The following AXIN2 variants were observed in gnomAD, a reference collection of about 807,000 sequenced individuals.
AXIN2 encodes axin 2.
In AXIN2, 21 loss-of-function variants were observed where a neutral mutation model predicts 74.7. The ratio of observed to expected loss-of-function variants is 0.28; its 90% CI spans 0.20 to 0.40. The LOEUF (loss-of-function observed/expected upper bound fraction) is 0.40. Ranked by LOEUF, AXIN2 falls within the 10% of genes least tolerant of loss-of-function variation. The pLI is 1.00. For missense variants in AXIN2, 1,144 were observed against 1,111.1 expected (o/e 1.03, Z -0.42); for synonymous variants, 532 against 454.9 (o/e 1.17, Z -2.16).
chr17:65,537,145 C>CG (rs1008558871), intron 6 of AXIN2, 82 bp from the exon 7 acceptor site: 51 of 1,561,886 alleles, frequency 3.3e-5, no homozygotes, highest in Non-Finnish European at 4.1e-5. Context: ...TTCAGCAAGT[C>CG]GGGGGGCTGG....
intron 2 of AXIN2, among the ~76,000 whole-genome samples, chr17:65,552,600 A>G (rs1204742909): frequency 6.6e-6 from 1 of 152,194 alleles, no homozygotes; most frequent in Non-Finnish European, 1.5e-5. Context: ...AGAGGTGGGC[A>G]CCCACCTGAA....
intron 10 of AXIN2, 80 bp downstream of exon 10, chr17:65,533,819 CTAGGTCTGCTCAG>C: frequency 9.4e-6 from 12 of 1,276,846 alleles, no homozygotes; most frequent in Admixed American, 4.0e-5. Flanking sequence ...CCTGCCCCAC[CTAGGTCTGCTCAG>C]CCAGGGGAGC....
chr17:65,554,263 C>G (rs1009883402), intron 2 of AXIN2, among the ~76,000 whole-genome samples: 1 of 152,210 alleles, frequency 6.6e-6, no homozygotes, highest in African/African-American at 2.4e-5. Flanking sequence ...TCCTCCTCCT[C>G]CTCCTCACGT....
At chr17:65,555,297 C>T (rs1418176099) in intron 2 of AXIN2, among the ~76,000 whole-genome samples, 3 of 152,116 alleles carry the variant, frequency 2.0e-5, no homozygotes, top group Non-Finnish European at 4.4e-5. Context: ...TAAGCCCATC[C>T]CAGATGCCAG....
intron 3 of AXIN2, 65 bp from the exon 4 acceptor site, chr17:65,541,622 T>TG: frequency 7.6e-7 from 1 of 1,320,822 alleles, no homozygotes; most frequent in Non-Finnish European, 1.1e-6. Context: ...TCACATGGGC[T>TG]ACTGTCATAT....
chr17:65,532,421 A>AAGC (rs1009157323), intron 10 of AXIN2, among the ~76,000 whole-genome samples: 3 of 152,184 alleles, frequency 2.0e-5, no homozygotes, highest in African/African-American at 2.4e-5. Flanking sequence ...TTCAAGATAA[A>AAGC]AGCAGCAGCA....
chr17:65,536,203 T>A (rs2043910954), intron 8 of AXIN2, 117 bp downstream of exon 8: 2 of 1,049,986 alleles, frequency 1.9e-6, no homozygotes, highest in Non-Finnish European at 2.9e-6. Context: ...TAATTCTTCT[T>A]CTCATGGGAG....
Position 65,550,394 on chromosome 17 carries a change from G to A in AXIN2, c.816-734C>T, listed in dbSNP as rs1008527163. Among the ~76,000 whole-genome samples the A allele has an allele frequency of 4.6e-5, 7 of 152,150 alleles. No homozygotes were observed. In the South Asian group the frequency reaches 8.3e-4, roughly 18 times the overall value. On this transcript the variant is annotated intron_variant, in intron 2 of 10. Coordinates refer to ENST00000307078, the MANE Select transcript of AXIN2 (RefSeq NM_004655.4). ...AAAGGAAGGCCCAGGCCCCTCCTCCGGTATCTCCAGCCCTTTTGTTTCAAT... is the reference window on the plus strand; with the variant it reads ...AAAGGAAGGCCCAGGCCCCTCCTCCAGTATCTCCAGCCCTTTTGTTTCAAT...
Position 65,530,018 on chromosome 17 carries a change from C to T in AXIN2, c.2490G>A (p.Met830Ile), listed in dbSNP as rs747010025. The stretch of plus-strand genomic sequence containing the variant: ...CTTTGCCCAGAATCCGGCCTTCATA[C>T]ATCGGGAGCACCGTCTCATCCTCCC... ...EIWEDETVLP[M>I]YEGRILGKVE... Residue 830 changes from methionine to isoleucine, a missense_variant, in exon 11 of 11, where the codon ATG (methionine) becomes ATA (isoleucine). Coordinates refer to ENST00000307078, the MANE Select transcript of AXIN2 (RefSeq NM_004655.4). 1 of 1,614,242 alleles carries T rather than the reference C, an allele frequency of 6.2e-7. No homozygotes were observed. Among genetic ancestry groups the T allele is most frequent in the South Asian group, 1.1e-5 (1 of 91,086 alleles).
intron 10 of AXIN2, 80 bp downstream of exon 10, chr17:65,533,825 CTGCTCAG>C: frequency 7.6e-6 from 4 of 528,338 alleles, no homozygotes; most frequent in Non-Finnish European, 1.4e-5. Context: ...CCACCTAGGT[CTGCTCAG>C]CCAGGGGAGC....
chr17:65,530,022 G>T lies in AXIN2; in HGVS notation c.2486C>A (p.Pro829Gln). The T allele has an allele frequency of 6.2e-7, 1 of 1,614,116 alleles. No homozygotes were observed. ...EEIWEDETVLPMYEGRILGKV... is the reference protein window; with the variant it reads ...EEIWEDETVLQMYEGRILGKV... The stretch of plus-strand genomic sequence containing the variant: ...GCCCAGAATCCGGCCTTCATACATC[G>T]GGAGCACCGTCTCATCCTCCCAGAT... The change falls in exon 11 of 11, where the codon CCG becomes CAG. Residue 829 changes from proline to glutamine, a missense_variant. Pro to Gln is a moderately conservative substitution (Grantham distance 76). Transcript: ENST00000307078.
intron 3 of AXIN2, 137 bp downstream of exon 3, chr17:65,549,383 C>A: frequency 9.5e-7 from 1 of 1,058,026 alleles, no homozygotes; most frequent in South Asian, 1.4e-5. Context: ...GTCATACTCC[C>A]CTCCCACCAA....
chr17:65,555,998 C>A (rs944346953), intron 2 of AXIN2, among the ~76,000 whole-genome samples: 10 of 152,034 alleles, frequency 6.6e-5, no homozygotes, highest in Non-Finnish European at 1.2e-4. Flanking sequence ...GTGATGTCCA[C>A]GGTTCACAGC....
intron 2 of AXIN2, among the ~76,000 whole-genome samples, chr17:65,552,206 G>C (rs867140774): frequency 3.3e-5 from 5 of 152,332 alleles, no homozygotes; most frequent in Middle Eastern, 3.4e-3. Flanking sequence ...AGTGAAAAAG[G>C]CCTCGTAGTT....
At chr17:65,550,116 T>G (rs1373374375) in intron 2 of AXIN2, among the ~76,000 whole-genome samples, 1 of 152,166 alleles carries the variant, frequency 6.6e-6, no homozygotes, top group Non-Finnish European at 1.5e-5. Context: ...GTACCTAAAC[T>G]CCTTGTCTGG....
rs750354919 is a variant in AXIN2, at chr17:65,536,975, C to A, written c.1801G>T (p.Gly601Cys). 1.9e-6 allele frequency: 3 copies of A among 1,612,874 alleles called. No individual in the cohort carries two copies. The African/African-American group carries it at 4.0e-5, about 22-fold the overall frequency. The part of the protein sequence containing the change: ...ALPAREGGAP[G>C]GAGALQLPRE... ...GGAAGCTGCAGGGCCCCAGCTCCGC[C>A]GGGGGCCCCTCCTTCCCTGGCGGGC... is the stretch of plus-strand genomic sequence containing the variant. The change falls in exon 7 of 11, where the codon GGC (glycine) becomes TGC (cysteine). Residue 601 changes from glycine to cysteine, a missense_variant. Physicochemically the swap from Gly to Cys is radical, Grantham distance 159. Coordinates refer to ENST00000307078, the MANE Select transcript of AXIN2 (RefSeq NM_004655.4).
chr17:65,545,422 G>C (rs1186286180), intron 3 of AXIN2, among the ~76,000 whole-genome samples: 1 of 152,186 alleles, frequency 6.6e-6, no homozygotes, highest in Non-Finnish European at 1.5e-5. Context: ...GGTTGTGGTG[G>C]CTCACGCCTG....
chr17:65,558,219 G>A lies in AXIN2; in HGVS notation c.402C>T (p.Ile134=), dbSNP rs375952649. The A allele has an allele frequency of 3.7e-6, 6 of 1,614,072 alleles. No homozygotes were observed. The highest frequency in any genetic ancestry group is 5.1e-6 in the Non-Finnish European group (6 of 1,180,020). ...TGTTGTTCTCAATGTACCTTTTGTA[G>A]ATCGCTTTGGCTACTCGTAAAGTTT... ...DTKTLRVAKA[I]YKRYIENNSI... Residue 134 remains isoleucine, a synonymous_variant, in exon 2 of 11, where the codon ATC becomes ATT. Transcript: ENST00000307078.
chr17:65,556,630 G>A (rs1364278829), intron 2 of AXIN2, among the ~76,000 whole-genome samples: 1 of 151,978 alleles, frequency 6.6e-6, no homozygotes, highest in Non-Finnish European at 1.5e-5. Flanking sequence ...AACTCTCTCT[G>A]CCGCCCCTAA....
Sources: allele counts gnomAD v4.1 joint callset (sites outside exome capture counted in the v4.1 genomes callset), GRCh38; gene constraint gnomAD v4.1.1; transcripts MANE v1.5; gene names NCBI Gene and HGNC (gene_info 2026-07-23, HGNC 2026-07-21).